Variants in ADGRV1 observed in about 807,000 individuals in gnomAD.
ADGRV1 encodes G-protein coupled receptor 98.
In ADGRV1, 359 loss-of-function variants were observed where a neutral mutation model predicts 596.2. That is an observed-to-expected ratio of 0.60 (90% CI 0.55 to 0.66). The LOEUF is 0.66. Ranked by LOEUF, ADGRV1 falls within the 30% of genes least tolerant of loss-of-function variation. The pLI, the probability that ADGRV1 is intolerant of heterozygous loss-of-function variation, is 0.00. For missense variants in ADGRV1, 7,274 were observed against 7,575.6 expected (o/e 0.96, Z 1.48); for synonymous variants, 2,681 against 2,679.2 (o/e 1.00, Z -0.02).
At position 90,705,397 on chromosome 5, in the gene ADGRV1, T is replaced by C. The variant is rs776178393; in HGVS notation, c.8387-3T>C. The C allele has an allele frequency of 8.7e-6, 14 of 1,612,836 alleles. No individual in the cohort carries two copies. The highest frequency in any genetic ancestry group is 1.2e-5 in the Non-Finnish European group (14 of 1,179,420). The stretch of plus-strand genomic sequence containing the variant: ...CTGTTAGATTCCTGCCTGACATTTT[T>C]AGGAGTTCCACCAGCCGGAATCGCC... On this transcript the variant is annotated splice_region_variant and splice_polypyrimidine_tract_variant and intron_variant, in intron 36 of 89. Transcript: ENST00000405460.
At chr5:90,690,578 G>C (rs1271543274) in intron 30 of ADGRV1, among the ~76,000 whole-genome samples, 6 of 152,108 alleles carry the variant, frequency 3.9e-5, no homozygotes, top group South Asian at 4.1e-4. Flanking sequence ...TGAGCCCTAT[G>C]GGCTTTGTGG....
intron 50 of ADGRV1, among the ~76,000 whole-genome samples, chr5:90,741,314 T>C (rs1354075779): frequency 2.0e-5 from 3 of 152,226 alleles, no homozygotes; most frequent in African/African-American, 7.2e-5. Flanking sequence ...TCTCTTTACA[T>C]TGTCAACACT....
chr5:90,564,625 A>ATATATTTTTTTTTT lies in ADGRV1; in HGVS notation c.22+5709_22+5710insATATTTTTTTTTTT, dbSNP rs1391157470. 1.5e-4 allele frequency among the ~76,000 whole-genome samples: 5 copies of ATATATTTTTTTTTT among 33,600 alleles called. 1 individual carries two copies. Among genetic ancestry groups the ATATATTTTTTTTTT allele is most frequent in the African/African-American group, 1.2e-3 (5 of 4,266 alleles). The allele number at this position is 33,600 out of a possible 152,430, so 22.0% of individuals were successfully genotyped here. A position where few individuals can be genotyped will look rare whatever the true frequency, so the allele number is the denominator to read the frequency against. On this transcript the variant is annotated intron_variant, in intron 1 of 89. Coordinates refer to ENST00000405460, the MANE Select transcript of ADGRV1 (RefSeq NM_032119.4). ...TCCATGGCGTTTAATATATATATATATTTTTTTTTTTTTTTTTTTGAGACG... is the reference window on the plus strand; with the variant it reads ...TCCATGGCGTTTAATATATATATATATATATTTTTTTTTTTTTTTTTTTTTTTTTTTTTGAGACG...
At chr5:90,622,743 TTTTA>T (rs1184250324) in intron 5 of ADGRV1, 42 bp downstream of exon 5, 30 of 949,430 alleles carry the variant, frequency 3.2e-5, no homozygotes, top group South Asian at 1.1e-4. Flanking sequence ...TTATTTTTAT[TTTTA>T]TTTATTTATT....
intron 80 of ADGRV1, 79 bp downstream of exon 80, chr5:90,853,612 T>C: frequency 7.2e-7 from 1 of 1,392,784 alleles, no homozygotes; most frequent in Non-Finnish European, 9.8e-7. Flanking sequence ...TGCATTTGTT[T>C]GATCACAGTT....
chr5:90,903,758 A>G (rs960894291), intron 83 of ADGRV1, among the ~76,000 whole-genome samples: 11 of 152,026 alleles, frequency 7.2e-5, no homozygotes, highest in Non-Finnish European at 1.0e-4. Context: ...TTTATCCTTC[A>G]TGTTACAAAT....
rs561117572 is a variant in ADGRV1 at position 90,908,911 on chromosome 5, G to A, written c.17856+45054G>A. 3.3e-5 allele frequency among the ~76,000 whole-genome samples: 5 copies of A among 152,262 alleles called. No individual in the cohort carries two copies. In the South Asian group the frequency reaches 1.0e-3, roughly 32 times the overall value. On this transcript the variant is annotated intron_variant, in intron 83 of 89. Transcript: ENST00000405460. The stretch of plus-strand genomic sequence containing the variant: ...TAATCACTATAGGAATTCAGAGAAC[G>A]GTGTGTTGAGATTGTTAAAGAGTAA...
At chr5:90,776,615 T>C in intron 61 of ADGRV1, 39 bp downstream of exon 61, 1 of 1,600,040 alleles carries the variant, frequency 6.2e-7, no homozygotes, top group Non-Finnish European at 8.6e-7. Context: ...ATATGGGGGT[T>C]ACGAAGTTTT....
At chr5:90,896,127 T>C (rs1204238059) in intron 83 of ADGRV1, among the ~76,000 whole-genome samples, 1 of 152,130 alleles carries the variant, frequency 6.6e-6, no homozygotes, top group African/African-American at 2.4e-5. Flanking sequence ...TAAATTAATT[T>C]AAATGCAATA....
chr5:90,992,058 T>C (rs1160560367), intron 85 of ADGRV1, among the ~76,000 whole-genome samples: 2 of 152,218 alleles, frequency 1.3e-5, no homozygotes, highest in Non-Finnish European at 2.9e-5. Flanking sequence ...CACATAAAAA[T>C]AGCAACCTTA....
At chr5:90,749,989 A>G (rs1755061892) in intron 52 of ADGRV1, among the ~76,000 whole-genome samples, 1 of 152,210 alleles carries the variant, frequency 6.6e-6, no homozygotes, top group South Asian at 2.1e-4. Flanking sequence ...AACATTTCCG[A>G]GGATATGAAT....
At position 91,003,822 on chromosome 5, in the gene ADGRV1, A is replaced by G. The variant is rs185517372; in HGVS notation, c.18152+18300A>G. ...CATCAAAATCAGTATGGGTACATGT[A>G]TTCTTCCCGGTGGACTCAGATGTAA... On this transcript the variant is annotated intron_variant, in intron 85 of 89. Transcript: ENST00000405460. Among the ~76,000 whole-genome samples the G allele has an allele frequency of 1.1e-4, 17 of 152,304 alleles. No individual in the cohort carries two copies. In the East Asian group the frequency reaches 3.1e-3, roughly 28 times the overall value.
At chr5:90,672,449 A>T in intron 21 of ADGRV1, 97 bp from the exon 22 acceptor site, 1 of 961,114 alleles carries the variant, frequency 1.0e-6, no homozygotes, top group Non-Finnish European at 1.6e-6. Context: ...AAAGTTGTAG[A>T]ATTAAGTTTA....
chr5:90,690,976 C>T lies in ADGRV1; in HGVS notation c.6886C>T (p.Pro2296Ser), dbSNP rs1351702441. The change falls in exon 31 of 90, where the codon CCT (proline) becomes TCT (serine). Residue 2296 changes from proline to serine, a missense_variant. Physicochemically the swap from Pro to Ser is moderately conservative, Grantham distance 74. This residue lies in a region of ADGRV1 where 3,643 missense variants were observed against 3,809.2 expected (regional missense o/e 0.96). Coordinates refer to ENST00000405460, the MANE Select transcript of ADGRV1 (RefSeq NM_032119.4). The stretch of plus-strand genomic sequence containing the variant: ...TGTCTCAGGTAATGTGACCTTTGCC[C>T]CTGGGGAAACCATTCAAACCTTGTT... ...RVVSGNVTFAPGETIQTLLLE... is the reference protein window; with the variant it reads ...RVVSGNVTFASGETIQTLLLE... 1.1e-5 allele frequency: 17 copies of T among 1,613,650 alleles called. No individual in the cohort carries two copies. The East Asian group carries it at 3.8e-4, about 36-fold the overall frequency.
chr5:91,026,787 C>T (rs1286322060), intron 85 of ADGRV1, among the ~76,000 whole-genome samples: 3 of 152,010 alleles, frequency 2.0e-5, no homozygotes, highest in Non-Finnish European at 4.4e-5. Context: ...ATAAGCTAAC[C>T]TCAGCTTTTA....
At chr5:90,653,138 C>G in intron 19 of ADGRV1, 71 bp from the exon 20 acceptor site, 1 of 1,366,734 alleles carries the variant, frequency 7.3e-7, no homozygotes, top group Non-Finnish European at 9.8e-7. Context: ...TAAACAAATT[C>G]TTTTTTCTTC....
chr5:90,815,480 A>G, intron 74 of ADGRV1, 139 bp from the exon 75 acceptor site: 1 of 503,008 alleles, frequency 2.0e-6, no homozygotes, highest in South Asian at 3.8e-5. Context: ...TTTAATAAAG[A>G]TCTTTTAACA....
At chr5:90,913,686 C>A (rs571119996) in intron 83 of ADGRV1, among the ~76,000 whole-genome samples, 4 of 152,244 alleles carry the variant, frequency 2.6e-5, no homozygotes, top group South Asian at 4.1e-4. Flanking sequence ...TCATGCTTCT[C>A]TTCCCATTTT....
At chr5:90,893,557 T>TA (rs1771027076) in intron 83 of ADGRV1, among the ~76,000 whole-genome samples, 1 of 152,204 alleles carries the variant, frequency 6.6e-6, no homozygotes, top group Admixed American at 6.5e-5. Context: ...GACTCTTGTG[T>TA]AATCAGCCCA....
Sources: allele counts gnomAD v4.1 joint callset (sites outside exome capture counted in the v4.1 genomes callset), GRCh38; gene constraint gnomAD v4.1.1; regional missense constraint gnomAD v4.1.1; transcripts MANE v1.5; gene names NCBI Gene and HGNC (gene_info 2026-07-23, HGNC 2026-07-21).